MBTPS1: variants seen among roughly 807,000 people sequenced by gnomAD.
MBTPS1 encodes the protein membrane bound transcription factor peptidase, site 1.
MBTPS1 carries 94 observed loss-of-function variants against 127.8 expected under a neutral mutation model. The ratio of observed to expected loss-of-function variants is 0.74; its 90% confidence interval spans 0.62 to 0.87. MBTPS1 has a LOEUF of 0.87. Among genes scored for constraint, MBTPS1 ranks in the 40% least tolerant of loss-of-function variants. The pLI, the probability that MBTPS1 is intolerant of heterozygous loss-of-function variation, is 0.00. For synonymous variants in MBTPS1, 632 were observed against 509.4 expected (o/e 1.24, Z -3.24); for missense variants, 1,636 against 1,353.2 (o/e 1.21, Z -3.28).
At chr16:84,061,805 C>A (rs2085618081) in intron 19 of MBTPS1, among the ~76,000 whole-genome samples, 1 of 152,218 alleles carries the variant, frequency 6.6e-6, no homozygotes, top group African/African-American at 2.4e-5. Flanking sequence ...CCTGGAGCTT[C>A]TGTTTCCATC....
At chr16:84,098,667 A>C (rs1057215610) in intron 3 of MBTPS1, among the ~76,000 whole-genome samples, 87 of 152,282 alleles carry the variant, frequency 5.7e-4, no homozygotes, top group African/African-American at 1.8e-3. Flanking sequence ...GAGAAGCGAA[A>C]TGCAAGGAAG....
chr16:84,106,514 T>C (rs1393048235), intron 1 of MBTPS1, among the ~76,000 whole-genome samples: 1 of 151,986 alleles, frequency 6.6e-6, no homozygotes, highest in African/African-American at 2.4e-5. Flanking sequence ...GCAAGGACCA[T>C]TCCTGGTGTG....
chr16:84,105,747 G>A (rs1052469900), intron 1 of MBTPS1, among the ~76,000 whole-genome samples: 1 of 152,130 alleles, frequency 6.6e-6, no homozygotes, highest in Non-Finnish European at 1.5e-5. Flanking sequence ...TCCATCCAAT[G>A]GCAGTGAAGA....
intron 1 of MBTPS1, among the ~76,000 whole-genome samples, chr16:84,114,897 G>C (rs1245698918): frequency 6.6e-6 from 1 of 151,780 alleles, no homozygotes; most frequent in Non-Finnish European, 1.5e-5. Flanking sequence ...GCAATGTACA[G>C]TTCACCTTAG....
chr16:84,108,137 T>C (rs540423199), intron 1 of MBTPS1, among the ~76,000 whole-genome samples: 2 of 152,066 alleles, frequency 1.3e-5, no homozygotes, highest in African/African-American at 2.4e-5. Flanking sequence ...GTTCTCACTA[T>C]ACAATGCAAA....
chr16:84,065,606 C>G (rs575071262), intron 18 of MBTPS1, 84 bp downstream of exon 18: 5 of 883,854 alleles, frequency 5.7e-6, no homozygotes, highest in Non-Finnish European at 9.5e-6. Flanking sequence ...AAAAAAGAGA[C>G]AGAGATGAGA....
At chr16:84,056,225 G>A in intron 21 of MBTPS1, 90 bp from the exon 22 acceptor site, 1 of 1,109,728 alleles carries the variant, frequency 9.0e-7, no homozygotes, top group Middle Eastern at 2.5e-4. Flanking sequence ...ACTCAAGACA[G>A]AGCAAGTGAT....
intron 10 of MBTPS1, among the ~76,000 whole-genome samples, chr16:84,082,381 T>C (rs541047523): frequency 6.6e-6 from 1 of 152,200 alleles, no homozygotes; most frequent in South Asian, 2.1e-4. Flanking sequence ...CCAAAGCCAA[T>C]CCTTGCCTTT....
chr16:84,067,528 T>A, intron 16 of MBTPS1, 139 bp downstream of exon 16: 1 of 701,890 alleles, frequency 1.4e-6, no homozygotes, highest in Non-Finnish European at 2.4e-6. Flanking sequence ...GAAAGGGCTT[T>A]TTTTCTAATC....
chr16:84,070,165 A>C (rs2085749786), intron 13 of MBTPS1, 127 bp from the exon 14 acceptor site: 4 of 774,922 alleles, frequency 5.2e-6, no homozygotes, highest in Non-Finnish European at 6.1e-6. Context: ...CCAATAACAA[A>C]TGTCTGATGA....
chr16:84,077,936 A>T (rs1008025255), intron 11 of MBTPS1, among the ~76,000 whole-genome samples: 9 of 71,586 alleles, frequency 1.3e-4, no homozygotes, highest in Non-Finnish European at 2.4e-4. Context: ...AGAAAGCTTA[A>T]AAAAAAAAAG....
Position 84,101,768 on chromosome 16 carries a change from T to A in MBTPS1, c.16A>T (p.Ile6Phe), listed in dbSNP as rs776531899. The A allele has an allele frequency of 1.2e-6, 2 of 1,613,576 alleles. No homozygotes were observed. The highest frequency in any genetic ancestry group is 3.3e-5 in the Admixed American group (2 of 59,914). Reference protein sequence around the residue: MKLVNIWLLLLVVLLC... With the variant: MKLVNFWLLLLVVLLC... ...AAAACCACGAGCAGAAGCAGCCAGA[T>A]GTTGACAAGCTTCATGGTCACAAGC... The change falls in exon 2 of 23, where the codon ATC becomes TTC. Residue 6 changes from isoleucine (I) to phenylalanine (F), a missense_variant. Ile to Phe is a conservative substitution (Grantham distance 21, BLOSUM62 0). Transcript: ENST00000343411.
Position 84,088,860 on chromosome 16 carries a change from C to T in MBTPS1, c.1032-1400G>A, listed in dbSNP as rs550933846. ...AAGCTGGGCTGCCGTGATCACATGC[C>T]ACGTTCTGTCACTTCAACAGCCAGC... is the stretch of plus-strand genomic sequence containing the variant. On this transcript the variant is annotated intron_variant, in intron 8 of 22. Coordinates refer to ENST00000343411, the MANE Select transcript of MBTPS1 (RefSeq NM_003791.4). 5.3e-5 allele frequency among the ~76,000 whole-genome samples: 8 copies of T among 152,318 alleles called. No homozygotes were observed. The East Asian group carries it at 1.5e-3, about 29-fold the overall frequency.
At chr16:84,104,136 T>C (rs1452102297) in intron 1 of MBTPS1, among the ~76,000 whole-genome samples, 1 of 152,162 alleles carries the variant, frequency 6.6e-6, no homozygotes, top group Non-Finnish European at 1.5e-5. Flanking sequence ...CCGAAGAAGA[T>C]AAAAGCCAGT....
intron 9 of MBTPS1, 133 bp downstream of exon 9, chr16:84,087,225 C>T (rs2086041374): frequency 3.0e-6 from 2 of 669,646 alleles, no homozygotes; most frequent in Admixed American, 2.5e-5. Context: ...CACTCACAGC[C>T]CCGGCTATTC....
chr16:84,084,968 G>A lies in MBTPS1; in HGVS notation c.1286+15C>T, dbSNP rs1451740057. 6 of 1,612,406 alleles carry A rather than the reference G, an allele frequency of 3.7e-6. No homozygotes were observed. Among genetic ancestry groups the A allele is most frequent in the Non-Finnish European group, 3.4e-6 (4 of 1,179,176 alleles). ...CTGACGTGGGAGCTACTGGTCTCTA[G>A]GGGGCAGCACTCACCTCACTAACAA... On this transcript the variant is annotated intron_variant, in intron 10 of 22. Transcript: ENST00000343411.
At chr16:84,081,581 G>T in intron 11 of MBTPS1, 166 bp downstream of exon 11, 1 of 436,338 alleles carries the variant, frequency 2.3e-6, no homozygotes. Flanking sequence ...TACCAGTTCT[G>T]CCAGCAGCAC....
chr16:84,058,916 G>T (rs2085563764), intron 21 of MBTPS1, among the ~76,000 whole-genome samples: 1 of 152,132 alleles, frequency 6.6e-6, no homozygotes, highest in South Asian at 2.1e-4. Flanking sequence ...GGCCCCCGGG[G>T]ATGACAGAAG....
intron 18 of MBTPS1, among the ~76,000 whole-genome samples, chr16:84,064,763 T>C (rs997417387): frequency 6.6e-6 from 1 of 152,294 alleles, no homozygotes; most frequent in Middle Eastern, 3.4e-3. Flanking sequence ...AAAGGTGAAA[T>C]ATAACCTATT....
Sources: allele counts gnomAD v4.1 joint callset (sites outside exome capture counted in the v4.1 genomes callset), GRCh38; gene constraint gnomAD v4.1.1; transcripts MANE v1.5; gene names NCBI Gene and HGNC (gene_info 2026-07-23, HGNC 2026-07-21).